The following EDA variants were observed in gnomAD, a reference collection of about 807,000 sequenced individuals.
The protein encoded by EDA is ectodysplasin A, also known as ectodysplasin-A.
Under a neutral mutation model 23.6 loss-of-function variants are expected in EDA, and 2 were observed. The ratio of observed to expected loss-of-function variants is 0.08; its 90% CI spans 0.03 to 0.27. EDA has a LOEUF of 0.27. EDA is among the 10% of genes least tolerant of loss of function. The probability of loss-of-function intolerance (pLI) is 1.00; values close to 1 mark genes in which losing one functional copy is unlikely to be tolerated. For missense variants in EDA, 229 were observed against 324.2 expected (o/e 0.71, Z 2.26); for synonymous variants, 131 against 132.0 (o/e 0.99, Z 0.05).
rs140309892 is a variant in EDA at position 69,907,306 on chromosome X, T to C, written c.397-49721T>C. 6.5e-3 allele frequency among the ~76,000 whole-genome samples: 728 copies of C among 111,803 alleles called. 3 individuals are homozygous for C. Among genetic ancestry groups the C allele is most frequent in the Non-Finnish European group, 9.3e-3 (493 of 53,139 alleles). ...AAACAGTCATATTCAACATTTCCTG[T>C]GCCCTAACACACACCAGAAAGGACA... On this transcript the variant is annotated intron_variant, in intron 1 of 7. Coordinates refer to ENST00000374552, the MANE Select transcript of EDA (RefSeq NM_001399.5).
At chrX:70,016,057 CA>C (rs774311629) in intron 2 of EDA, among the ~76,000 whole-genome samples, 4 of 101,679 alleles carry the variant, frequency 3.9e-5, no homozygotes, top group African/African-American at 7.2e-5. Flanking sequence ...AAAAAAAAAA[CA>C]AAAAAAAACA....
chrX:69,649,778 G>A (rs368197123), intron 1 of EDA, among the ~76,000 whole-genome samples: 38 of 110,612 alleles, frequency 3.4e-4, no homozygotes, highest in African/African-American at 1.2e-3. Flanking sequence ...GTGGAGATGG[G>A]GTTTCACCAT....
chrX:70,030,661 C>T, intron 6 of EDA, 141 bp downstream of exon 6: 1 of 575,491 alleles, frequency 1.7e-6, no homozygotes, highest in East Asian at 3.6e-5. Context: ...CTCCATCATG[C>T]CCTCTACTGG....
At chrX:69,881,818 G>C (rs1448184285) in intron 1 of EDA, among the ~76,000 whole-genome samples, 1 of 111,808 alleles carries the variant, frequency 8.9e-6, no homozygotes, top group African/African-American at 3.3e-5. Context: ...AAGGTGAAGG[G>C]AGAGTAGGTG....
intron 2 of EDA, among the ~76,000 whole-genome samples, chrX:70,005,182 C>T (rs185572499): frequency 1.3e-3 from 143 of 112,228 alleles, no homozygotes; most frequent in African/African-American, 4.4e-3. Flanking sequence ...TGAATACCTA[C>T]TCTATGCACA....
chrX:70,021,651 GGAGGA>G (rs1602612955), intron 2 of EDA, among the ~76,000 whole-genome samples: 1 of 112,199 alleles, frequency 8.9e-6, no homozygotes, highest in East Asian at 2.8e-4. Flanking sequence ...CAAAGAACTG[GGAGGA>G]GAGGAGAGGA....
At chrX:69,876,711 G>C (rs1264486532) in intron 1 of EDA, among the ~76,000 whole-genome samples, 1 of 111,653 alleles carries the variant, frequency 9.0e-6, no homozygotes, top group African/African-American at 3.3e-5. Flanking sequence ...TTTTGCATCT[G>C]GCCTTTTTTC....
intron 1 of EDA, among the ~76,000 whole-genome samples, chrX:69,700,420 G>C (rs1293966132): frequency 8.9e-6 from 1 of 111,768 alleles, no homozygotes; most frequent in Non-Finnish European, 1.9e-5. Flanking sequence ...GGGTGGTATT[G>C]GAGGGAATTG....
At chrX:70,034,906 C>T (rs758796951) in intron 7 of EDA, among the ~76,000 whole-genome samples, 1 of 111,452 alleles carries the variant, frequency 9.0e-6, no homozygotes. Context: ...GTTACATGCC[C>T]TCTCTGGGGA....
chrX:69,803,115 A>G, intron 1 of EDA, among the ~76,000 whole-genome samples: 1 of 111,172 alleles, frequency 9.0e-6, no homozygotes, highest in East Asian at 2.8e-4. Context: ...TGTACAGCTG[A>G]TACAGATACT....
intron 1 of EDA, among the ~76,000 whole-genome samples, chrX:69,688,081 T>G (rs2804316): frequency 0.34 from 37,046 of 110,443 alleles, 5,242 homozygotes; most frequent in Middle Eastern, 0.56. Flanking sequence ...CAAGGGATTT[T>G]CACTGCCCTG....
At chrX:69,689,557 G>A (rs898520649) in intron 1 of EDA, among the ~76,000 whole-genome samples, 9 of 110,286 alleles carry the variant, frequency 8.2e-5, no homozygotes, top group Non-Finnish European at 7.6e-5. Context: ...GGCTGGTCTC[G>A]AACTCCTGAC....
intron 1 of EDA, among the ~76,000 whole-genome samples, chrX:69,829,333 A>G (rs1223372506): frequency 8.9e-6 from 1 of 111,794 alleles, no homozygotes; most frequent in Non-Finnish European, 1.9e-5. Context: ...GACATTTTGC[A>G]CTTCCCCACC....
At chrX:69,743,234 C>T (rs1028040329) in intron 1 of EDA, among the ~76,000 whole-genome samples, 9 of 111,609 alleles carry the variant, frequency 8.1e-5, no homozygotes, top group East Asian at 5.6e-4. Context: ...TCACCACTGC[C>T]GCCGTTGCTA....
chrX:69,807,479 AAC>A (rs1310346625), intron 1 of EDA, among the ~76,000 whole-genome samples: 1 of 99,801 alleles, frequency 1.0e-5, no homozygotes, highest in Non-Finnish European at 2.0e-5. Flanking sequence ...GTGTCTCAAA[AAC>A]ACAAATAATA....
At chrX:69,698,121 G>A (rs1196422782) in intron 1 of EDA, among the ~76,000 whole-genome samples, 2 of 111,914 alleles carry the variant, frequency 1.8e-5, no homozygotes, top group African/African-American at 3.3e-5. Context: ...CGTGATATTC[G>A]ATGATCCGTT....
chrX:69,628,715 T>A (rs941777042), intron 1 of EDA, among the ~76,000 whole-genome samples: 3 of 111,623 alleles, frequency 2.7e-5, no homozygotes, highest in African/African-American at 9.8e-5. Context: ...GAAGGCCTTA[T>A]ATTTTTACTT....
chrX:69,796,269 C>A (rs1020708714), intron 1 of EDA, among the ~76,000 whole-genome samples: 4 of 103,096 alleles, frequency 3.9e-5, no homozygotes, highest in Non-Finnish European at 7.9e-5. Flanking sequence ...CATCTGGAGA[C>A]CCAAGAATTG....
intron 1 of EDA, among the ~76,000 whole-genome samples, chrX:69,739,403 G>A (rs768828227): frequency 1.8e-5 from 2 of 110,525 alleles, no homozygotes; most frequent in Non-Finnish European, 1.9e-5. Flanking sequence ...CTTACAGAAA[G>A]CTTATAGTTT....
Sources: gnomAD v4.1 joint callset for allele counts (sites outside exome capture counted in the v4.1 genomes callset) on GRCh38, gnomAD v4.1.1 for gene constraint, MANE v1.5 for transcripts, NCBI Gene and HGNC (gene_info 2026-07-23, HGNC 2026-07-21) for gene names.